RANGAP1: variants seen among roughly 807,000 people sequenced by gnomAD.
The protein encoded by RANGAP1 is ran GTPase-activating protein 1.
A neutral mutation model predicts 63.5 loss-of-function variants in RANGAP1; 38 were observed. The ratio of observed to expected loss-of-function variants is 0.60; its 90% CI spans 0.46 to 0.78. The LOEUF (loss-of-function observed/expected upper bound fraction) is 0.78, where lower values mean the gene tolerates loss of function less well. Among genes scored for constraint, RANGAP1 ranks in the 30% least tolerant of loss-of-function variants. The pLI is 0.00. For missense variants in RANGAP1, 630 were observed against 740.3 expected (o/e 0.85, Z 1.73); for synonymous variants, 329 against 310.5 (o/e 1.06, Z -0.63).
chr22:41,299,155 T>C, the RANGAP1 span, among the ~76,000 whole-genome samples: 5 of 151,762 alleles, frequency 3.3e-5, no homozygotes, highest in Non-Finnish European at 7.4e-5. Flanking sequence ...TTTTTTGAGA[T>C]GGAGTCTCGC....
chr22:41,284,507 G>T (rs964090092), intron 1 of RANGAP1, among the ~76,000 whole-genome samples: 1 of 152,018 alleles, frequency 6.6e-6, no homozygotes, highest in Admixed American at 6.6e-5. Flanking sequence ...GCAGATGTTG[G>T]GGTGAGCTGA....
At chr22:41,252,568 G>A (rs771106968) in intron 12 of RANGAP1, among the ~76,000 whole-genome samples, 6 of 152,192 alleles carry the variant, frequency 3.9e-5, no homozygotes, top group South Asian at 2.1e-4. Flanking sequence ...GACGGAACAC[G>A]CAGAGAGAAG....
intron 6 of RANGAP1, among the ~76,000 whole-genome samples, chr22:41,258,474 G>C (rs1023522873): frequency 2.6e-5 from 4 of 152,138 alleles, no homozygotes; most frequent in African/African-American, 9.7e-5. Flanking sequence ...GGATGACATA[G>C]CTCCATGTGA....
chr22:41,278,185 T>C (rs111753252), intron 2 of RANGAP1, among the ~76,000 whole-genome samples: 61 of 152,010 alleles, frequency 4.0e-4, no homozygotes, highest in Admixed American at 2.0e-4. Flanking sequence ...ATTACAGGTG[T>C]CCACCACCAC....
chr22:41,261,348 G>A, intron 6 of RANGAP1, 98 bp downstream of exon 6: 3 of 1,550,300 alleles, frequency 1.9e-6, no homozygotes, highest in East Asian at 2.2e-5. Flanking sequence ...AGGTCTCTTG[G>A]TTGAGTGCCA....
At chr22:41,269,606 A>T (rs1261061828) in intron 3 of RANGAP1, among the ~76,000 whole-genome samples, 1 of 151,908 alleles carries the variant, frequency 6.6e-6, no homozygotes, top group Non-Finnish European at 1.5e-5. Flanking sequence ...ATGGTGGTGC[A>T]CGCCTGTAGT....
intron 15 of RANGAP1, among the ~76,000 whole-genome samples, chr22:41,248,436 A>G (rs2145668878): frequency 6.6e-6 from 1 of 152,330 alleles, no homozygotes; most frequent in South Asian, 2.1e-4. Context: ...GCTGGAGGCC[A>G]GCGGGGGCCG....
chr22:41,301,195 G>A, the RANGAP1 span, among the ~76,000 whole-genome samples: 2 of 152,128 alleles, frequency 1.3e-5, no homozygotes, highest in African/African-American at 4.8e-5. Context: ...CCAGGGTTTT[G>A]GGCAGCCTTC....
At chr22:41,273,766 CAAAAAA>C (rs71200678) in intron 3 of RANGAP1, among the ~76,000 whole-genome samples, 3 of 24,354 alleles carry the variant, frequency 1.2e-4, no homozygotes, top group South Asian at 4.2e-3. Flanking sequence ...GACTCCATCT[CAAAAAA>C]AAAAAAAAAA....
At chr22:41,250,945 T>A in intron 13 of RANGAP1, 62 bp downstream of exon 13, 2 of 1,386,212 alleles carry the variant, frequency 1.4e-6, no homozygotes, top group Non-Finnish European at 1.0e-6. Flanking sequence ...CCACGAAGGA[T>A]ACCTGGGGCC....
chr22:41,280,745 C>G (rs1470839754), intron 2 of RANGAP1, 188 bp downstream of exon 2: 1 of 1,519,802 alleles, frequency 6.6e-7, no homozygotes, highest in Admixed American at 2.0e-5. Context: ...ATGGAAAGTG[C>G]AGGGGAGCTT....
chr22:41,275,781 G>GAAA (rs71200679), intron 2 of RANGAP1, among the ~76,000 whole-genome samples: 3 of 139,978 alleles, frequency 2.1e-5, no homozygotes, highest in East Asian at 2.1e-4. Flanking sequence ...TCTGTCTCAA[G>GAAA]AAAAAAAAAA....
At chr22:41,301,708 C>A in the RANGAP1 span, 4 of 152,122 alleles carry the variant, frequency 2.6e-5, no homozygotes, top group East Asian at 1.9e-4. Context: ...GTAATCATAC[C>A]TCTAGTCATA....
chr22:41,269,339 T>C (rs1405152960), intron 3 of RANGAP1, among the ~76,000 whole-genome samples: 1 of 152,150 alleles, frequency 6.6e-6, no homozygotes, highest in Non-Finnish European at 1.5e-5. Context: ...TGAAGAAAGG[T>C]TAATTAATGG....
rs2034477846 is a variant in RANGAP1, at chr22:41,266,383, T to C, written c.301-1540A>G. 1.3e-5 allele frequency among the ~76,000 whole-genome samples: 2 copies of C among 152,286 alleles called. 1 individual carries two copies. The highest frequency in any genetic ancestry group is 4.1e-4 in the South Asian group (2 of 4,828). On this transcript the variant is annotated intron_variant, in intron 4 of 15. Transcript: ENST00000356244. ...AAGAATACTTTCTCTTCCCCATTCC[T>C]ACAGAGTCAAGTAAAAGAAAACAAA...
intron 6 of RANGAP1, 101 bp downstream of exon 6, chr22:41,261,345 T>TA (rs1386429759): frequency 2.5e-5 from 39 of 1,543,010 alleles, no homozygotes; most frequent in Non-Finnish European, 3.2e-5. Context: ...CCCAGGTCTC[T>TA]TGGTTGAGTG....
At chr22:41,251,679 T>C (rs1017809344) in intron 12 of RANGAP1, among the ~76,000 whole-genome samples, 7 of 151,024 alleles carry the variant, frequency 4.6e-5, no homozygotes, top group East Asian at 1.9e-4. Flanking sequence ...CATCTTGTAA[T>C]TGAACTTGAA....
upstream of RANGAP1, among the ~76,000 whole-genome samples, chr22:41,287,518 T>A (rs564349289): frequency 1.3e-5 from 2 of 151,124 alleles, no homozygotes; most frequent in African/African-American, 4.9e-5. Context: ...ATACAAAAAT[T>A]AGTTGGACGT....
Position 41,256,006 on chromosome 22 carries a change from C to T in RANGAP1, c.1073+15G>A. ...GGCCTGACCCCGACCTCTGGGGCCA[C>T]CCCGAGTTCCCTACCTGAGGGACGC... On this transcript the variant is annotated intron_variant, in intron 10 of 15. Coordinates refer to ENST00000356244, the MANE Select transcript of RANGAP1 (RefSeq NM_002883.4). 6.2e-7 allele frequency: 1 copy of T among 1,611,502 alleles called. No homozygotes were observed. Among genetic ancestry groups the T allele is most frequent in the Non-Finnish European group, 8.5e-7 (1 of 1,179,510 alleles).
Sources: gnomAD v4.1 joint callset for allele counts (sites outside exome capture counted in the v4.1 genomes callset) on GRCh38, gnomAD v4.1.1 for gene constraint, MANE v1.5 for transcripts, NCBI Gene and HGNC (gene_info 2026-07-23, HGNC 2026-07-21) for gene names.